Variants in RANBP2 observed in about 807,000 individuals in gnomAD.
RANBP2 encodes E3 SUMO-protein ligase RanBP2.
A neutral mutation model predicts 303.6 loss-of-function variants in RANBP2; 57 were observed. The observed-to-expected ratio is 0.19, with a 90% CI of 0.15 to 0.23. The LOEUF (loss-of-function observed/expected upper bound fraction) is 0.23. RANBP2 is among the 10% of genes least tolerant of loss of function. The probability of loss-of-function intolerance (pLI) is 1.00; values close to 1 mark genes in which losing one functional copy is unlikely to be tolerated. For missense variants in RANBP2, 3,138 were observed against 3,780.8 expected (o/e 0.83, Z 4.46); for synonymous variants, 1,167 against 1,301.5 (o/e 0.90, Z 2.23).
chr2:109,225,993 C>A, the RANBP2 span, among the ~76,000 whole-genome samples: 1 of 152,178 alleles, frequency 6.6e-6, no homozygotes, highest in African/African-American at 2.4e-5. Flanking sequence ...AATGAATCAC[C>A]AAAATACCAT....
chr2:109,049,664 T>C, the RANBP2 span, among the ~76,000 whole-genome samples: 1 of 152,238 alleles, frequency 6.6e-6, no homozygotes, highest in African/African-American at 2.4e-5. Context: ...TTTTCACATT[T>C]ATTTCTATCA....
At chr2:109,441,132 CAA>C in the RANBP2 span, among the ~76,000 whole-genome samples, 2 of 134,028 alleles carry the variant, frequency 1.5e-5, no homozygotes, top group Non-Finnish European at 1.6e-5. Flanking sequence ...TATAGGAATA[CAA>C]AAAAAAAAAA....
the RANBP2 span, among the ~76,000 whole-genome samples, chr2:109,076,704 A>G: frequency 1.3e-4 from 19 of 150,638 alleles, no homozygotes; most frequent in African/African-American, 4.4e-4. Context: ...AAGAATTTGT[A>G]CACTGAAAAT....
the RANBP2 span, among the ~76,000 whole-genome samples, chr2:109,366,026 A>G: frequency 2.0e-5 from 3 of 152,350 alleles, no homozygotes; most frequent in East Asian, 3.9e-4. Context: ...CAATTCTGTT[A>G]TGAAACTATT....
the RANBP2 span, among the ~76,000 whole-genome samples, chr2:109,208,685 A>T: frequency 8.3e-6 from 1 of 120,170 alleles, no homozygotes; most frequent in Non-Finnish European, 1.6e-5. Context: ...GATAACCAGA[A>T]TACTGTTTTT....
intron 15 of RANBP2, 35 bp downstream of exon 15, chr2:108,754,006 G>T (rs1676112481): frequency 6.2e-7 from 1 of 1,611,382 alleles, no homozygotes; most frequent in African/African-American, 1.3e-5. Flanking sequence ...CGTTCTTACT[G>T]ATAACCCACT....
the RANBP2 span, among the ~76,000 whole-genome samples, chr2:109,512,202 C>A: frequency 6.6e-6 from 1 of 152,140 alleles, no homozygotes; most frequent in Admixed American, 6.5e-5. Flanking sequence ...TGGCCCTCCT[C>A]CTGCTGGGCC....
chr2:109,434,470 G>A, the RANBP2 span, among the ~76,000 whole-genome samples: 10 of 152,198 alleles, frequency 6.6e-5, no homozygotes, highest in African/African-American at 2.2e-4. Flanking sequence ...TTGGGACATC[G>A]CCTGGCCGGG....
the RANBP2 span, chr2:108,873,507 T>C: frequency 3.7e-6 from 6 of 1,611,758 alleles, no homozygotes; most frequent in Non-Finnish European, 5.1e-6. Flanking sequence ...TCGTACTTGC[T>C]CTGTGCTGCT....
At chr2:108,774,329 A>G (rs1306438768) in intron 23 of RANBP2, among the ~76,000 whole-genome samples, 1 of 152,074 alleles carries the variant, frequency 6.6e-6, no homozygotes, top group Non-Finnish European at 1.5e-5. Context: ...GCTCAGTGAT[A>G]TGTGTGTGTA....
At chr2:108,778,804 G>A (rs147956862) in intron 25 of RANBP2, among the ~76,000 whole-genome samples, 221 of 149,434 alleles carry the variant, frequency 1.5e-3, no homozygotes, top group Middle Eastern at 0.012. Context: ...ACAGCTCACT[G>A]CTGCCTTGAC....
the RANBP2 span, among the ~76,000 whole-genome samples, chr2:109,442,015 T>C: frequency 1.7e-4 from 26 of 152,104 alleles, no homozygotes; most frequent in Non-Finnish European, 2.6e-4. Flanking sequence ...TTGTCTCTAA[T>C]AAATCCACAC....
At chr2:109,569,850 AGAG>A in the RANBP2 span, among the ~76,000 whole-genome samples, 5 of 152,304 alleles carry the variant, frequency 3.3e-5, no homozygotes, top group East Asian at 1.9e-4. Flanking sequence ...CAATGGCGTA[AGAG>A]AAGATAACTT....
the RANBP2 span, among the ~76,000 whole-genome samples, chr2:109,123,798 A>C: frequency 6.6e-6 from 1 of 152,164 alleles, no homozygotes; most frequent in African/African-American, 2.4e-5. Flanking sequence ...CCATGGCTGC[A>C]CCTGTTTTGG....
chr2:109,431,391 C>T, the RANBP2 span, among the ~76,000 whole-genome samples: 6 of 152,308 alleles, frequency 3.9e-5, no homozygotes, highest in Admixed American at 1.3e-4. Flanking sequence ...TCTCTCCCTC[C>T]GTTCAAAACC....
chr2:109,716,240 A>AT, the RANBP2 span, among the ~76,000 whole-genome samples: 71 of 151,604 alleles, frequency 4.7e-4, 2 homozygotes, highest in South Asian at 0.013. Context: ...TTATTATTTT[A>AT]TTTTTTTTAA....
chr2:109,536,782 T>C, the RANBP2 span, among the ~76,000 whole-genome samples: 3 of 152,152 alleles, frequency 2.0e-5, no homozygotes, highest in Admixed American at 6.5e-5. Flanking sequence ...TGGGAGGTAA[T>C]TGAATCATGG....
the RANBP2 span, among the ~76,000 whole-genome samples, chr2:109,358,882 TC>T: frequency 2.0e-5 from 3 of 152,234 alleles, no homozygotes; most frequent in Non-Finnish European, 2.9e-5. Context: ...CTAGATTTTC[TC>T]CTACATTATC....
downstream of RANBP2, chr2:108,786,892 C>T: frequency 6.4e-7 from 1 of 1,557,966 alleles, no homozygotes; most frequent in Non-Finnish European, 8.7e-7. Flanking sequence ...CCGCTACGGA[C>T]TCGGGGGCAG....
Sources: allele counts gnomAD v4.1 joint callset (sites outside exome capture counted in the v4.1 genomes callset), GRCh38; gene constraint gnomAD v4.1.1; transcripts MANE v1.5; gene names NCBI Gene and HGNC (gene_info 2026-07-23, HGNC 2026-07-21).